The following THEMIS variants were observed in gnomAD, a reference collection of about 807,000 sequenced individuals.
THEMIS encodes thymocyte selection associated.
THEMIS carries 37 observed loss-of-function variants against 52.6 expected under a neutral mutation model. That is an observed-to-expected ratio of 0.70 (90% CI 0.54 to 0.93). THEMIS has a LOEUF of 0.93. Ranked by LOEUF, THEMIS falls within the 40% of genes least tolerant of loss-of-function variation. The pLI is 0.00. For missense variants in THEMIS, 808 were observed against 763.1 expected, an observed-to-expected ratio of 1.06 and a Z score of -0.69; for synonymous variants, 292 against 272.7, an observed-to-expected ratio of 1.07 and a Z score of -0.70.
chr6:127,733,128 A>G (rs914000311), intron 4 of THEMIS, among the ~76,000 whole-genome samples: 4 of 152,182 alleles, frequency 2.6e-5, no homozygotes, highest in African/African-American at 4.8e-5. Context: ...GGAAGTACTT[A>G]TTGTGAAATA....
intron 4 of THEMIS, among the ~76,000 whole-genome samples, chr6:127,811,789 A>G (rs1716538719): frequency 6.6e-6 from 1 of 152,192 alleles, no homozygotes; most frequent in South Asian, 2.1e-4. Flanking sequence ...GCAACACGTT[A>G]ATCAACATTA....
At chr6:127,902,337 A>AAAT (rs1554248903), upstream of THEMIS, among the ~76,000 whole-genome samples, 27 of 147,972 alleles carry the variant, frequency 1.8e-4, no homozygotes, top group African/African-American at 3.8e-4. Flanking sequence ...AAAAAAAAAA[A>AAAT]AAAAAAAATA....
intron 1 of THEMIS, among the ~76,000 whole-genome samples, chr6:127,895,117 T>G (rs911489842): frequency 6.6e-6 from 1 of 151,158 alleles, no homozygotes; most frequent in Admixed American, 6.6e-5. Flanking sequence ...ATTATCTTAA[T>G]AAGCTCAATA....
chr6:127,775,848 TC>T (rs1776549857), intron 4 of THEMIS, among the ~76,000 whole-genome samples: 1 of 152,214 alleles, frequency 6.6e-6, no homozygotes, highest in Non-Finnish European at 1.5e-5. Context: ...CATTTATTTG[TC>T]TTATTGTCAA....
chr6:127,883,734 T>C (rs1473719340), intron 1 of THEMIS, among the ~76,000 whole-genome samples: 3 of 152,126 alleles, frequency 2.0e-5, no homozygotes, highest in African/African-American at 7.2e-5. Context: ...TATTATAAAA[T>C]AAGATTTGTG....
intron 4 of THEMIS, among the ~76,000 whole-genome samples, chr6:127,799,268 G>T (rs1017206321): frequency 3.9e-5 from 6 of 152,148 alleles, no homozygotes; most frequent in African/African-American, 1.4e-4. Flanking sequence ...TAAGTGTGGT[G>T]ATCAAAAACA....
intron 1 of THEMIS, among the ~76,000 whole-genome samples, chr6:127,869,912 A>G (rs1780104454): frequency 6.6e-6 from 1 of 152,202 alleles, no homozygotes; most frequent in South Asian, 2.1e-4. Flanking sequence ...ATGCCCACCC[A>G]CACCAATAAA....
At chr6:127,760,190 C>T (rs1775975412) in intron 4 of THEMIS, among the ~76,000 whole-genome samples, 1 of 151,598 alleles carries the variant, frequency 6.6e-6, no homozygotes, top group Non-Finnish European at 1.5e-5. Flanking sequence ...GATACGTTGA[C>T]CATATATGTG....
At chr6:127,753,902 TAAC>T (rs1267160897) in intron 4 of THEMIS, among the ~76,000 whole-genome samples, 4 of 151,950 alleles carry the variant, frequency 2.6e-5, no homozygotes, top group South Asian at 2.1e-4. Flanking sequence ...ATAATAATAA[TAAC>T]AACAATAAAT....
chr6:127,734,578 T>TA (rs572172821), intron 4 of THEMIS, among the ~76,000 whole-genome samples: 3 of 151,892 alleles, frequency 2.0e-5, no homozygotes, highest in South Asian at 4.2e-4. Flanking sequence ...TGAGGGTGCA[T>TA]AAAAAATGGA....
chr6:127,883,449 T>C (rs1438081896), intron 1 of THEMIS, among the ~76,000 whole-genome samples: 1 of 151,690 alleles, frequency 6.6e-6, no homozygotes, highest in Non-Finnish European at 1.5e-5. Flanking sequence ...TGTATATATA[T>C]ACATATGAAC....
intron 1 of THEMIS, among the ~76,000 whole-genome samples, chr6:127,912,496 A>G (rs993895357): frequency 3.3e-5 from 5 of 152,196 alleles, no homozygotes; most frequent in Admixed American, 1.3e-4. Flanking sequence ...TTGGAAGTCA[A>G]TCTGCATCTT....
chr6:127,800,830 A>T (rs535347449), intron 4 of THEMIS, among the ~76,000 whole-genome samples: 1 of 152,288 alleles, frequency 6.6e-6, no homozygotes, highest in Admixed American at 6.5e-5. Flanking sequence ...TTGGAATTGG[A>T]CTGGCTCTCC....
At chr6:127,744,312 T>C (rs937036785) in intron 4 of THEMIS, among the ~76,000 whole-genome samples, 1 of 152,060 alleles carries the variant, frequency 6.6e-6, no homozygotes, top group Non-Finnish European at 1.5e-5. Flanking sequence ...CTCTTCATAC[T>C]GCATCACCTC....
At chr6:127,867,167 C>T (rs1780008487) in intron 1 of THEMIS, among the ~76,000 whole-genome samples, 1 of 151,862 alleles carries the variant, frequency 6.6e-6, no homozygotes, top group African/African-American at 2.4e-5. Flanking sequence ...GATTTGAATG[C>T]AGCTGTACTT....
intron 4 of THEMIS, among the ~76,000 whole-genome samples, chr6:127,723,638 G>C (rs1774440812): frequency 6.6e-6 from 1 of 151,886 alleles, no homozygotes. Context: ...GTCCTTTCAG[G>C]TCCACAATCT....
intron 4 of THEMIS, among the ~76,000 whole-genome samples, chr6:127,764,927 G>T (rs543309597): frequency 1.4e-4 from 21 of 151,836 alleles, no homozygotes; most frequent in Non-Finnish European, 1.5e-4. Context: ...ATTTGTATGA[G>T]CCACCACCAG....
intron 4 of THEMIS, among the ~76,000 whole-genome samples, chr6:127,791,405 C>T (rs947065858): frequency 1.3e-5 from 2 of 152,280 alleles, no homozygotes; most frequent in Middle Eastern, 3.4e-3. Context: ...TAGTTCCTTT[C>T]TGTAGGCAGG....
downstream of THEMIS, among the ~76,000 whole-genome samples, chr6:127,707,442 T>C (rs1271763943): frequency 6.6e-6 from 1 of 152,140 alleles, no homozygotes; most frequent in Non-Finnish European, 1.5e-5. Context: ...GAGATCATTC[T>C]GGTTCTCACA....
Sources: allele counts gnomAD v4.1 joint callset (sites outside exome capture counted in the v4.1 genomes callset), GRCh38; gene constraint gnomAD v4.1.1; transcripts MANE v1.5; gene names NCBI Gene and HGNC (gene_info 2026-07-23, HGNC 2026-07-21).